The following LRP1B variants were observed in gnomAD, a reference collection of about 807,000 sequenced individuals.
LRP1B encodes the protein LDL receptor related protein 1B, also known as low-density lipoprotein receptor-related protein 1B.
A neutral mutation model predicts 556.6 loss-of-function variants in LRP1B; 217 were observed. The observed-to-expected ratio is 0.39, with a 90% confidence interval of 0.35 to 0.44. The LOEUF is 0.44. LRP1B is among the 20% of genes least tolerant of loss of function. The pLI, the probability that LRP1B is intolerant of heterozygous loss-of-function variation, is 1.00. For missense variants in LRP1B, 5,053 were observed against 5,620.8 expected, an observed-to-expected ratio of 0.90 and a Z score of 3.23; for synonymous variants, 2,047 against 1,865.8, an observed-to-expected ratio of 1.10 and a Z score of -2.50.
chr2:141,651,406 G>A (rs2105379853), intron 2 of LRP1B, among the ~76,000 whole-genome samples: 1 of 152,318 alleles, frequency 6.6e-6, no homozygotes, highest in South Asian at 2.1e-4. Context: ...GTTTACGCCT[G>A]TAATCCCAGG....
chr2:141,029,971 A>G (rs191540409), intron 11 of LRP1B, among the ~76,000 whole-genome samples: 1 of 152,256 alleles, frequency 6.6e-6, no homozygotes, highest in East Asian at 1.9e-4. Flanking sequence ...AATTCTAGAT[A>G]ATATCAAATG....
intron 2 of LRP1B, among the ~76,000 whole-genome samples, chr2:141,601,614 C>A (rs966331426): frequency 1.3e-5 from 2 of 150,148 alleles, no homozygotes; most frequent in Admixed American, 6.7e-5. Context: ...TTCCTTCCTT[C>A]CTTCCTTCCT....
rs2105083451 is a variant in LRP1B, at chr2:140,334,532, A to T, written c.12144T>A (p.Asp4048Glu). The T allele has an allele frequency of 6.2e-7, 1 of 1,600,072 alleles. No individual in the cohort carries two copies. Among genetic ancestry groups the T allele is most frequent in the South Asian group, 1.1e-5 (1 of 88,840 alleles). ...RGMMYWTVVG[D>E]HSHIEEAAMD... Reference sequence around the variant, plus strand: ...TGGCTGCTTCTTCTATATGGGAATGATCCCCAACAACAGTCCAGTACATCA... The same window carrying T: ...TGGCTGCTTCTTCTATATGGGAATGTTCCCCAACAACAGTCCAGTACATCA... Residue 4048 changes from aspartate (D) to glutamate (E), a missense_variant, in exon 79 of 91, where the codon GAT becomes GAA. Coordinates refer to ENST00000389484, the MANE Select transcript of LRP1B (RefSeq NM_018557.3).
intron 1 of LRP1B, among the ~76,000 whole-genome samples, chr2:141,909,262 T>C (rs1031417331): frequency 1.3e-5 from 2 of 151,946 alleles, no homozygotes; most frequent in Non-Finnish European, 2.9e-5. Context: ...CAGAAATAAA[T>C]GAAAGGAACA....
At chr2:141,811,768 T>A (rs1000261789) in intron 1 of LRP1B, among the ~76,000 whole-genome samples, 7 of 152,106 alleles carry the variant, frequency 4.6e-5, no homozygotes, top group Non-Finnish European at 8.8e-5. Flanking sequence ...TACTTTGTAT[T>A]TGGCCTCAGA....
At chr2:141,142,921 CTTTTTTTT>C (rs35543111) in intron 7 of LRP1B, among the ~76,000 whole-genome samples, 3 of 101,434 alleles carry the variant, frequency 3.0e-5, no homozygotes, top group African/African-American at 1.2e-4. Context: ...TGTCTGATTA[CTTTTTTTT>C]TTTTTTTTTT....
chr2:141,513,225 G>T (rs1684193379), intron 2 of LRP1B, among the ~76,000 whole-genome samples: 2 of 152,032 alleles, frequency 1.3e-5, no homozygotes, highest in Admixed American at 1.3e-4. Flanking sequence ...GAAAAGTAGG[G>T]TTATAATAGC....
At chr2:140,581,360 T>C (rs944347380) in intron 43 of LRP1B, among the ~76,000 whole-genome samples, 1 of 152,192 alleles carries the variant, frequency 6.6e-6, no homozygotes, top group Non-Finnish European at 1.5e-5. Context: ...TTTCCAACTC[T>C]GTAGCACACC....
chr2:140,907,149 C>A (rs1250380238), intron 22 of LRP1B, among the ~76,000 whole-genome samples: 1 of 151,986 alleles, frequency 6.6e-6, no homozygotes, highest in African/African-American at 2.4e-5. Context: ...TTGTTCTTAT[C>A]ATTCTGTAAA....
At chr2:140,934,109 T>C (rs1367570572) in intron 20 of LRP1B, among the ~76,000 whole-genome samples, 1 of 152,130 alleles carries the variant, frequency 6.6e-6, no homozygotes, top group Non-Finnish European at 1.5e-5. Flanking sequence ...AAAATAGATA[T>C]TATACTTCTC....
intron 2 of LRP1B, among the ~76,000 whole-genome samples, chr2:141,677,736 G>A (rs1203566867): frequency 2.0e-5 from 3 of 152,062 alleles, no homozygotes; most frequent in Non-Finnish European, 4.4e-5. Context: ...TGATCCGCCC[G>A]CCTTGGCCTC....
intron 35 of LRP1B, among the ~76,000 whole-genome samples, chr2:140,730,881 A>G (rs1431344641): frequency 6.6e-6 from 1 of 152,038 alleles, no homozygotes; most frequent in East Asian, 1.9e-4. Flanking sequence ...CAGTTCCCAG[A>G]GTGTGCGCCT....
At chr2:140,823,853 A>G (rs1388206642) in intron 31 of LRP1B, among the ~76,000 whole-genome samples, 4 of 152,094 alleles carry the variant, frequency 2.6e-5, no homozygotes, top group Admixed American at 1.3e-4. Context: ...CAAATAACAC[A>G]TGTTCTCACT....
At chr2:140,926,961 A>G (rs1357609307) in intron 20 of LRP1B, among the ~76,000 whole-genome samples, 10 of 152,094 alleles carry the variant, frequency 6.6e-5, no homozygotes, top group Admixed American at 5.9e-4. Flanking sequence ...TCATTACATC[A>G]GATTGAACCC....
At chr2:141,006,091 G>A (rs1022957411) in intron 14 of LRP1B, among the ~76,000 whole-genome samples, 3 of 152,034 alleles carry the variant, frequency 2.0e-5, no homozygotes, top group African/African-American at 7.2e-5. Context: ...GGAAATTTAT[G>A]AATAACATAC....
At chr2:141,083,894 T>G (rs1699985218) in intron 7 of LRP1B, among the ~76,000 whole-genome samples, 1 of 152,224 alleles carries the variant, frequency 6.6e-6, no homozygotes, top group Non-Finnish European at 1.5e-5. Flanking sequence ...TTTTGTTTCT[T>G]TATAACCAGT....
intron 11 of LRP1B, among the ~76,000 whole-genome samples, chr2:141,023,234 T>A (rs1484582250): frequency 1.3e-5 from 2 of 151,956 alleles, no homozygotes; most frequent in East Asian, 3.9e-4. Flanking sequence ...CTTATATGAA[T>A]GGAGTAATAT....
chr2:140,340,671 AAAAAT>A (rs1681344535), intron 77 of LRP1B, among the ~76,000 whole-genome samples: 1 of 151,588 alleles, frequency 6.6e-6, no homozygotes, highest in African/African-American at 2.4e-5. Flanking sequence ...AATTAAAAAA[AAAAAT>A]AAGTAGATTC....
intron 18 of LRP1B, among the ~76,000 whole-genome samples, chr2:140,978,374 C>G (rs984176310): frequency 6.6e-6 from 1 of 152,068 alleles, no homozygotes; most frequent in Non-Finnish European, 1.5e-5. Flanking sequence ...TAATGTGTAA[C>G]AGTAGCCATA....
Sources: gnomAD v4.1 joint callset for allele counts (sites outside exome capture counted in the v4.1 genomes callset) on GRCh38, gnomAD v4.1.1 for gene constraint, MANE v1.5 for transcripts, NCBI Gene and HGNC (gene_info 2026-07-23, HGNC 2026-07-21) for gene names.